Variants in ZSWIM4 observed in about 807,000 individuals in gnomAD.
The protein encoded by ZSWIM4 is zinc finger SWIM-type containing 4, also known as zinc finger SWIM domain-containing protein 4.
In ZSWIM4, 62 loss-of-function variants were observed where a neutral mutation model predicts 102.5. That is an observed-to-expected ratio of 0.60 (90% confidence interval 0.49 to 0.75). The LOEUF is 0.75. Among genes scored for constraint, ZSWIM4 ranks in the 30% least tolerant of loss-of-function variants. ZSWIM4 has a pLI of 0.00. For synonymous variants in ZSWIM4, 652 were observed against 674.5 expected, an observed-to-expected ratio of 0.97 and a Z score of 0.52; for missense variants, 1,280 against 1,529.6, an observed-to-expected ratio of 0.84 and a Z score of 2.72.
At position 13,830,804 on chromosome 19, in the gene ZSWIM4, C is replaced by T. The variant is rs1975745376; in HGVS notation, c.3075C>T (p.Asp1025=). The change falls in exon 14 of 14, where the codon GAC becomes GAT. Residue 1025 remains aspartate, a synonymous_variant. Transcript: ENST00000590508. ...ARRAAKPLGA[D]RAPLCQLLDA... is the part of the protein sequence containing the mutation. Reference sequence around the variant, plus strand: ...GGGCCGCCAAGCCACTGGGTGCCGACCGGGCGCCGCTCTGCCAGCTCCTGG... The same window carrying T: ...GGGCCGCCAAGCCACTGGGTGCCGATCGGGCGCCGCTCTGCCAGCTCCTGG... 1.2e-6 allele frequency: 2 copies of T among 1,605,064 alleles called. No individual in the cohort carries two copies. The highest frequency in any genetic ancestry group is 2.7e-5 in the African/African-American group (2 of 74,700).
Position 13,795,780 on chromosome 19 carries a change from C to G in ZSWIM4, c.132C>G (p.Ala44=), listed in dbSNP as rs756013201. The G allele has an allele frequency of 8.8e-6, 11 of 1,251,574 alleles. No homozygotes were observed. Among genetic ancestry groups the G allele is most frequent in the Admixed American group, 3.7e-5 (1 of 27,274 alleles). The allele number at this position is 1,251,574 out of a possible 1,614,324, so 77.5% of individuals were successfully genotyped here. A position where few individuals can be genotyped will look rare whatever the true frequency, so the allele number is the denominator to read the frequency against. ...ALLDLSAKRV[A]ESWAFEQVEE... Reference sequence around the variant, plus strand: ...TGGACCTCAGCGCCAAGCGGGTAGCCGAGAGCTGGGCCTTCGAGCAGGTGA... The same window carrying G: ...TGGACCTCAGCGCCAAGCGGGTAGCGGAGAGCTGGGCCTTCGAGCAGGTGA... The change falls in exon 1 of 14, where the codon GCC becomes GCG. Residue 44 remains alanine, a synonymous_variant. Coordinates refer to ENST00000590508, the MANE Select transcript of ZSWIM4 (RefSeq NM_001367834.3).
In ZSWIM4 at chr19:13,795,696, C is replaced by G. The variant is rs570678207; in HGVS notation, c.48C>G (p.Pro16=). 37 of 1,133,888 alleles carry G rather than the reference C, an allele frequency of 3.3e-5. 1 individual carries two copies. In the African/African-American group the frequency reaches 4.5e-4, roughly 14 times the overall value. The allele number at this position is 1,133,888 out of a possible 1,614,324, so 70.2% of individuals were successfully genotyped here. A position where few individuals can be genotyped will look rare whatever the true frequency, so the allele number is the denominator to read the frequency against. Reference sequence around the variant, plus strand: ...GGAGCCGGGGCTGCCCCGCGGGACCCGAGGAGCGCGATGCCGGGGCCGGGG... The same window carrying G: ...GGAGCCGGGGCTGCCCCGCGGGACCGGAGGAGCGCGATGCCGGGGCCGGGG... The part of the protein sequence containing the change: ...AKRSRGCPAG[P]EERDAGAGAA... Residue 16 remains proline (P), a synonymous_variant, in exon 1 of 14, where the codon CCC becomes CCG. Transcript: ENST00000590508.
chr19:13,831,107 T>C lies in ZSWIM4; in HGVS notation c.*57T>C, dbSNP rs1398166770. ...CCCTCGCCCCTGCGTCCCCCACCCTTGCTCTCCAATTAGGCCCACGTGGCA... is the reference window on the plus strand; with the variant it reads ...CCCTCGCCCCTGCGTCCCCCACCCTCGCTCTCCAATTAGGCCCACGTGGCA... On this transcript the variant is annotated 3_prime_UTR_variant, in exon 14 of 14. Coordinates refer to ENST00000590508, the MANE Select transcript of ZSWIM4 (RefSeq NM_001367834.3). 2.0e-6 allele frequency: 3 copies of C among 1,505,884 alleles called. No individual in the cohort carries two copies. Among genetic ancestry groups the C allele is most frequent in the Non-Finnish European group, 2.6e-6 (3 of 1,135,102 alleles). 93.3% of individuals were successfully genotyped at this position (1,505,884 alleles called of 1,614,324 possible). A position where few individuals can be genotyped will look rare whatever the true frequency, so the allele number is the denominator to read the frequency against.
intron 1 of ZSWIM4, among the ~76,000 whole-genome samples, chr19:13,798,019 G>A (rs1450420843): frequency 6.6e-6 from 1 of 152,232 alleles, no homozygotes; most frequent in Non-Finnish European, 1.5e-5. Context: ...AAGCTCTCCT[G>A]GGCCAGGGCC....
At chr19:13,803,350 G>A (rs758529710) in intron 2 of ZSWIM4, among the ~76,000 whole-genome samples, 1 of 152,192 alleles carries the variant, frequency 6.6e-6, no homozygotes, top group Non-Finnish European at 1.5e-5. Context: ...TCAGCCCCTC[G>A]CCCCAAGCGC....
intron 2 of ZSWIM4, among the ~76,000 whole-genome samples, chr19:13,803,806 G>GAAAAAA (rs36078549): frequency 1.5e-5 from 1 of 67,564 alleles, no homozygotes; most frequent in African/African-American, 5.6e-5. Flanking sequence ...CTCTGTCTCA[G>GAAAAAA]AAAAAAAAAA....
Position 13,831,040 on chromosome 19 carries a change from G to A in ZSWIM4, c.3311G>A (p.Arg1104His). 4 of 1,588,318 alleles carry A rather than the reference G, an allele frequency of 2.5e-6. No homozygotes were observed. Among genetic ancestry groups the A allele is most frequent in the Non-Finnish European group, 2.6e-6 (3 of 1,169,156 alleles). ...KKKLMLLVRERFG is the reference protein window; with the variant it reads ...KKKLMLLVREHFG Reference sequence around the variant, plus strand: ...AAACTCATGCTTTTGGTGCGGGAGCGTTTTGGTTGAGGGACAGTGGGGTGC... The same window carrying A: ...AAACTCATGCTTTTGGTGCGGGAGCATTTTGGTTGAGGGACAGTGGGGTGC... Residue 1104 changes from arginine to histidine, a missense_variant, in exon 14 of 14, where the codon CGT becomes CAT. By Grantham distance (29) the Arg-to-His change is conservative. Coordinates refer to ENST00000590508, the MANE Select transcript of ZSWIM4 (RefSeq NM_001367834.3).
chr19:13,812,724 C>A (rs1975140135), intron 5 of ZSWIM4, among the ~76,000 whole-genome samples: 1 of 151,790 alleles, frequency 6.6e-6, no homozygotes, highest in African/African-American at 2.4e-5. Flanking sequence ...CCTGCCTCAG[C>A]CTTCCAGAGT....
chr19:13,826,680 G>A (rs1035425155), intron 12 of ZSWIM4, among the ~76,000 whole-genome samples: 5 of 152,192 alleles, frequency 3.3e-5, no homozygotes, highest in South Asian at 2.1e-4. Context: ...CAAGAGAATC[G>A]CTTGAACCCA....
Position 13,825,534 on chromosome 19 carries a change from C to T in ZSWIM4, c.2216-16C>T. 3.1e-6 allele frequency: 5 copies of T among 1,612,284 alleles called. No individual in the cohort carries two copies. Among genetic ancestry groups the T allele is most frequent in the Non-Finnish European group, 4.2e-6 (5 of 1,178,804 alleles). ...AGGTGTATCCGATGGTGTCCTCTGT[C>T]CCGCCCTTCACCCAGGAGACCCCAA... On this transcript the variant is annotated splice_polypyrimidine_tract_variant and intron_variant, in intron 11 of 13. Transcript: ENST00000590508. This position sits in a 1 kb window ranked among gnomAD's most constrained non-coding sequence, Gnocchi z 4.6.
At chr19:13,805,214 G>A in intron 3 of ZSWIM4, 66 bp downstream of exon 3, 1 of 1,388,628 alleles carries the variant, frequency 7.2e-7, no homozygotes, top group Non-Finnish European at 1.0e-6. Context: ...CACTTGCTGT[G>A]TGCCCAGTGC....
intron 10 of ZSWIM4, among the ~76,000 whole-genome samples, chr19:13,821,699 G>C (rs1370823260): frequency 6.6e-6 from 1 of 151,540 alleles, no homozygotes; most frequent in Non-Finnish European, 1.5e-5. Flanking sequence ...ACAGGTACTT[G>C]TCACCATGCC....
At position 13,830,875 on chromosome 19, in the gene ZSWIM4, C is replaced by T. The variant is rs768762192; in HGVS notation, c.3146C>T (p.Thr1049Met). ...AYITTSHSRL[T>M]HISPRHYGDF... ...ATCACCACCAGCCACTCGCGCCTCA[C>T]GCACATCAGCCCGCGGCACTATGGG... Residue 1049 changes from threonine (T) to methionine (M), a missense_variant, in exon 14 of 14, where the codon ACG becomes ATG. Physicochemically the swap from Thr to Met is moderately conservative, Grantham distance 81 (BLOSUM62 -1). Transcript: ENST00000590508. 1.7e-5 allele frequency: 27 copies of T among 1,614,118 alleles called. No individual in the cohort carries two copies. Among genetic ancestry groups the T allele is most frequent in the Admixed American group, 5.0e-5 (3 of 60,002 alleles).
intron 6 of ZSWIM4, among the ~76,000 whole-genome samples, chr19:13,813,937 A>AAAC (rs1357639105): frequency 5.3e-5 from 8 of 150,482 alleles, no homozygotes; most frequent in Non-Finnish European, 1.2e-4. Flanking sequence ...AAAAAAAAAG[A>AAAC]AAGAAAGAAA....
chr19:13,827,053 G>A (rs1045287187), intron 12 of ZSWIM4, among the ~76,000 whole-genome samples: 4 of 151,984 alleles, frequency 2.6e-5, no homozygotes, highest in African/African-American at 9.7e-5. Context: ...GGGAGGCCAA[G>A]GTGGGAGGAT....
intron 5 of ZSWIM4, among the ~76,000 whole-genome samples, chr19:13,810,462 AT>A (rs1189190906): frequency 6.8e-6 from 1 of 146,938 alleles, no homozygotes; most frequent in Non-Finnish European, 1.5e-5. Context: ...CTAGCTAATT[AT>A]TGTATTTTTA....
At chr19:13,819,839 TG>T (rs1288499496) in intron 10 of ZSWIM4, among the ~76,000 whole-genome samples, 8 of 149,906 alleles carry the variant, frequency 5.3e-5, no homozygotes, top group African/African-American at 1.5e-4. Flanking sequence ...AGCTAATTTT[TG>T]TTTTTTGTTT....
In ZSWIM4 at chr19:13,825,862, T is replaced by C; in HGVS notation, c.2379+149T>C. On this transcript the variant is annotated intron_variant, in intron 12 of 13. Coordinates refer to ENST00000590508, the MANE Select transcript of ZSWIM4 (RefSeq NM_001367834.3). The surrounding 1 kb of genome is among the most constrained non-coding windows in gnomAD (Gnocchi z 4.6). The stretch of plus-strand genomic sequence containing the variant: ...GAGCTATTCCTCTGTGGCTGGGGAC[T>C]GAGCGAGAACCACTCTTGGGGCGGG... 1 of 1,179,570 alleles carries C rather than the reference T, an allele frequency of 8.5e-7. No homozygotes were observed. Among genetic ancestry groups the C allele is most frequent in the African/African-American group, 1.5e-5 (1 of 65,200 alleles). 73.1% of individuals were successfully genotyped at this position (1,179,570 alleles called of 1,614,324 possible).
intron 13 of ZSWIM4, 95 bp from the exon 14 acceptor site, chr19:13,830,096 G>A: frequency 2.1e-6 from 3 of 1,457,302 alleles, no homozygotes; most frequent in Non-Finnish European, 2.8e-6. Context: ...TGTGGAGGTG[G>A]AAGTGGAGGT....
Sources: gnomAD v4.1 joint callset for allele counts (sites outside exome capture counted in the v4.1 genomes callset) on GRCh38, gnomAD v4.1.1 for gene constraint, Gnocchi (gnomAD v3.1) non-coding constraint, MANE v1.5 for transcripts, NCBI Gene and HGNC (gene_info 2026-07-23, HGNC 2026-07-21) for gene names.